Variants in BIRC6 observed in about 807,000 individuals in gnomAD.
BIRC6 encodes the protein baculoviral IAP repeat containing 6, also known as dual E2 ubiquitin-conjugating enzyme/E3 ubiquitin-protein ligase BIRC6.
BIRC6 carries 98 observed loss-of-function variants against 503.3 expected under a neutral mutation model. The ratio of observed to expected loss-of-function variants is 0.19; its 90% confidence interval spans 0.17 to 0.23. The LOEUF (loss-of-function observed/expected upper bound fraction) is 0.23. BIRC6 is among the 10% of genes least tolerant of loss of function. The pLI, the probability that BIRC6 is intolerant of heterozygous loss-of-function variation, is 1.00. For synonymous variants in BIRC6, 2,240 were observed against 2,078.7 expected (o/e 1.08, Z -2.11); for missense variants, 5,360 against 5,806.0 (o/e 0.92, Z 2.50).
intron 60 of BIRC6, among the ~76,000 whole-genome samples, chr2:32,530,994 A>T (rs1467800050): frequency 6.6e-6 from 1 of 152,254 alleles, no homozygotes; most frequent in East Asian, 1.9e-4. Context: ...TTATTTTAAC[A>T]TAGGATATAC....
At position 32,535,261 on chromosome 2, in the gene BIRC6, G is replaced by A. The variant is rs143282672; in HGVS notation, c.12291+3710G>A. Among the ~76,000 whole-genome samples the A allele has an allele frequency of 3.0e-3, 447 of 151,432 alleles. 7 individuals carry two copies. The highest frequency in any genetic ancestry group is 0.011 in the African/African-American group (435 of 41,220). On this transcript the variant is annotated intron_variant, in intron 61 of 73. Coordinates refer to ENST00000421745, the MANE Select transcript of BIRC6 (RefSeq NM_016252.4). ...ACAGCAGCAATAACACTAACAACTG[G>A]CCTTTCAACAGAAACCATATGAGCC...
intron 66 of BIRC6, among the ~76,000 whole-genome samples, chr2:32,575,761 T>A (rs867045353): frequency 2.6e-4 from 39 of 148,718 alleles, no homozygotes; most frequent in African/African-American, 9.0e-4. Context: ...CGAGACTCCG[T>A]CTCAAAAAAA....
At chr2:32,559,967 G>A (rs1007547552) in intron 65 of BIRC6, among the ~76,000 whole-genome samples, 6 of 152,062 alleles carry the variant, frequency 3.9e-5, no homozygotes, top group African/African-American at 1.4e-4. Flanking sequence ...AGTGAGCCGA[G>A]ATCACGCCAC....
chr2:32,438,564 T>TC (rs1288995232), intron 15 of BIRC6, among the ~76,000 whole-genome samples: 3 of 149,152 alleles, frequency 2.0e-5, no homozygotes, highest in Admixed American at 6.6e-5. Flanking sequence ...TGTTCTTTTT[T>TC]TTTTTTTTTT....
chr2:32,577,879 A>T (rs949959451), intron 66 of BIRC6, among the ~76,000 whole-genome samples: 6 of 152,224 alleles, frequency 3.9e-5, no homozygotes, highest in Non-Finnish European at 7.4e-5. Context: ...TCAGCCAGAG[A>T]ACATTCTTCA....
At position 32,429,138 on chromosome 2, in the gene BIRC6, C is replaced by A. The variant is rs2043838188; in HGVS notation, c.2873-8C>A. 1 of 1,578,210 alleles carries A rather than the reference C, an allele frequency of 6.3e-7. No homozygotes were observed. The highest frequency in any genetic ancestry group is 8.6e-7 in the Non-Finnish European group (1 of 1,163,592). On this transcript the variant is annotated splice_region_variant and splice_polypyrimidine_tract_variant and intron_variant, in intron 10 of 73. Coordinates refer to ENST00000421745, the MANE Select transcript of BIRC6 (RefSeq NM_016252.4). ...TTTCATGTATCTATGAAATTTACTA[C>A]ACTGTAGGTGGTGAGCTTCATTTTC... is the stretch of plus-strand genomic sequence containing the variant.
Position 32,501,586 on chromosome 2 carries a change from G to A in BIRC6, c.9032-127G>A, listed in dbSNP as rs904705275. On this transcript the variant is annotated intron_variant, in intron 46 of 73. Transcript: ENST00000421745. ...TTGTTTCACCATGTTGGCCAGGCTG[G>A]TTTTGAACTCCTGAAGTCAGGTGAT... 2.4e-5 allele frequency: 16 copies of A among 676,240 alleles called. No homozygotes were observed. The Admixed American group carries it at 4.1e-4, about 17-fold the overall frequency. The allele number at this position is 676,240 out of a possible 1,614,324, so 41.9% of individuals were successfully genotyped here.
chr2:32,606,965 C>A (rs1024368137), intron 71 of BIRC6, among the ~76,000 whole-genome samples: 11 of 151,262 alleles, frequency 7.3e-5, no homozygotes, highest in Admixed American at 2.0e-4. Context: ...CAAGATCATG[C>A]CATTGCACTC....
intron 10 of BIRC6, among the ~76,000 whole-genome samples, chr2:32,417,665 T>C (rs1033322421): frequency 3.9e-5 from 6 of 152,200 alleles, no homozygotes; most frequent in South Asian, 2.1e-4. Flanking sequence ...TGATAGTAAT[T>C]AGACTGTTTT....
intron 62 of BIRC6, among the ~76,000 whole-genome samples, chr2:32,543,973 A>T (rs1307853407): frequency 6.6e-6 from 1 of 152,204 alleles, no homozygotes; most frequent in Non-Finnish European, 1.5e-5. Flanking sequence ...AATGTGAATG[A>T]AGTGGCATGG....
intron 61 of BIRC6, among the ~76,000 whole-genome samples, chr2:32,539,115 A>G (rs1378197429): frequency 2.0e-5 from 3 of 152,352 alleles, no homozygotes; most frequent in African/African-American, 2.4e-5. Context: ...GATAAGAAAT[A>G]AAGAGGATCA....
At chr2:32,456,371 A>G (rs982911709) in intron 23 of BIRC6, among the ~76,000 whole-genome samples, 3 of 152,124 alleles carry the variant, frequency 2.0e-5, no homozygotes, top group South Asian at 4.1e-4. Context: ...GCTGTTTAGG[A>G]TTCTTTTGTC....
chr2:32,458,083 A>T (rs902806103), intron 23 of BIRC6, among the ~76,000 whole-genome samples: 1 of 152,132 alleles, frequency 6.6e-6, no homozygotes, highest in Non-Finnish European at 1.5e-5. Context: ...AGTTATTTTT[A>T]CTGGTGATTT....
intron 43 of BIRC6, among the ~76,000 whole-genome samples, chr2:32,491,209 A>C (rs184018555): frequency 6.8e-4 from 104 of 152,274 alleles, no homozygotes; most frequent in Middle Eastern, 3.4e-3. Context: ...ATTAAGCTCG[A>C]GGTGTTTTCA....
chr2:32,544,624 T>G (rs1021048761), intron 62 of BIRC6, among the ~76,000 whole-genome samples: 1 of 151,752 alleles, frequency 6.6e-6, no homozygotes, highest in African/African-American at 2.4e-5. Flanking sequence ...TTAGAAAGAA[T>G]AAAATGTTAA....
At chr2:32,365,092 A>G (rs572019941) in intron 1 of BIRC6, among the ~76,000 whole-genome samples, 9 of 152,258 alleles carry the variant, frequency 5.9e-5, no homozygotes, top group African/African-American at 1.2e-4. Context: ...TTTTTGGGCT[A>G]TGAATATGTA....
At chr2:32,383,332 G>T (rs1436857351) in intron 3 of BIRC6, among the ~76,000 whole-genome samples, 1 of 152,088 alleles carries the variant, frequency 6.6e-6, no homozygotes, top group African/African-American at 2.4e-5. Context: ...CGTGAGCCTA[G>T]TCCTCAGTTT....
At chr2:32,604,203 A>G (rs1299532171) in intron 71 of BIRC6, among the ~76,000 whole-genome samples, 1 of 152,208 alleles carries the variant, frequency 6.6e-6, no homozygotes, top group African/African-American at 2.4e-5. Context: ...TATAGGTTCT[A>G]AATGTACAGA....
intron 1 of BIRC6, among the ~76,000 whole-genome samples, chr2:32,374,676 G>T (rs1025469273): frequency 6.6e-6 from 1 of 152,058 alleles, no homozygotes; most frequent in Non-Finnish European, 1.5e-5. Context: ...GTTTCACTGT[G>T]TTAGCCAGGA....
Sources: gnomAD v4.1 joint callset for allele counts (sites outside exome capture counted in the v4.1 genomes callset) on GRCh38, gnomAD v4.1.1 for gene constraint, MANE v1.5 for transcripts, NCBI Gene and HGNC (gene_info 2026-07-23, HGNC 2026-07-21) for gene names.